The following FOXK1 variants were observed in gnomAD, a reference collection of about 807,000 sequenced individuals.
The protein encoded by FOXK1 is forkhead box K1, also known as forkhead box protein K1.
In FOXK1, 19 loss-of-function variants were observed where a neutral mutation model predicts 51.9. The ratio of observed to expected loss-of-function variants is 0.37; its 90% CI spans 0.26 to 0.54. The LOEUF (loss-of-function observed/expected upper bound fraction) is 0.54, where lower values mean the gene tolerates loss of function less well. Among genes scored for constraint, FOXK1 ranks in the 20% least tolerant of loss-of-function variants. The probability of loss-of-function intolerance (pLI) is 0.87; values close to 1 mark genes in which losing one functional copy is unlikely to be tolerated. For missense variants in FOXK1, 870 were observed against 1,032.7 expected (o/e 0.84, Z 2.16); for synonymous variants, 537 against 482.6 (o/e 1.11, Z -1.48).
At chr7:4,757,253 T>C (rs1780865071) in intron 5 of FOXK1, 66 bp downstream of exon 5, 1 of 1,415,374 alleles carries the variant, frequency 7.1e-7, no homozygotes, top group Non-Finnish European at 9.6e-7. Context: ...AGTTTAGAGA[T>C]ACGTGGCGCA....
Position 4,756,218 on chromosome 7 carries a change from G to A in FOXK1, c.1051-776G>A, listed in dbSNP as rs536618781. Among the ~76,000 whole-genome samples, 16 of 152,246 alleles carry A rather than the reference G, an allele frequency of 1.1e-4. 1 individual carries two copies. The Middle Eastern group carries it at 0.01, about 97-fold the overall frequency. On this transcript the variant is annotated intron_variant, in intron 4 of 8. Transcript: ENST00000328914. The surrounding 1 kb of genome is among the most constrained non-coding windows in gnomAD (Gnocchi z 4.1). ...CAACCTTCGCCTCCCAGGTTCAAGC[G>A]ATTCTTCTGCTTCAGCCTCCCAAGT...
At chr7:4,760,952 T>A (rs1780923207) in intron 7 of FOXK1, 112 bp from the exon 8 acceptor site, 10 of 957,884 alleles carry the variant, frequency 1.0e-5, no homozygotes, top group African/African-American at 1.6e-5. Context: ...AAACCTATTT[T>A]TTCCCAGTGC....
At position 4,682,350 on chromosome 7, in the gene FOXK1, C is replaced by G. The variant is rs937222554; in HGVS notation, c.42C>G (p.Leu14=). 2 of 993,836 alleles carry G rather than the reference C, an allele frequency of 2.0e-6. No homozygotes were observed. Among genetic ancestry groups the G allele is most frequent in the African/African-American group, 1.8e-5 (1 of 56,798 alleles). 61.6% of individuals were successfully genotyped at this position (993,836 alleles called of 1,614,324 possible). A position where few individuals can be genotyped will look rare whatever the true frequency, so the allele number is the denominator to read the frequency against. The change falls in exon 1 of 9, where the codon CTC becomes CTG. Residue 14 remains leucine, a synonymous_variant. Transcript: ENST00000328914. This position sits in a 1 kb window ranked among gnomAD's most constrained non-coding sequence, Gnocchi z 7.6. ...VGEDSGARAL[L]ALRSAPCSPV... is the part of the protein sequence containing the mutation. ...AGGACAGCGGCGCCCGCGCCCTGCT[C>G]GCGCTGCGCTCGGCGCCCTGCAGCC...
Position 4,768,159 on chromosome 7 carries a change from GT to G in FOXK1, c.*5696del, listed in dbSNP as rs1261769425. The stretch of plus-strand genomic sequence containing the variant: ...TTTTTTTTTTTTTTTTTGAGACGGA[GT>G]CTCGCTCTGTCGCCCAGGCTGGAGT... On this transcript the variant is annotated 3_prime_UTR_variant, in exon 9 of 9. Transcript: ENST00000328914. 10 of 107,726 alleles carry G rather than the reference GT, an allele frequency of 9.3e-5. No homozygotes were observed. Among genetic ancestry groups the G allele is most frequent in the Non-Finnish European group, 1.5e-4 (9 of 60,504 alleles). 6.7% of individuals were successfully genotyped at this position (107,726 alleles called of 1,614,324 possible).
At position 4,730,179 on chromosome 7, in the gene FOXK1, A is replaced by G. The variant is rs1429946578; in HGVS notation, c.561-10659A>G. On this transcript the variant is annotated intron_variant, in intron 1 of 8. Coordinates refer to ENST00000328914, the MANE Select transcript of FOXK1 (RefSeq NM_001037165.2). The surrounding 1 kb of genome is among the most constrained non-coding windows in gnomAD (Gnocchi z 4.7). Reference sequence around the variant, plus strand: ...AGATGCATTCTCCCTATTTAAACAAATTAGGCCCTATGAACGCATAAGAAC... The same window carrying G: ...AGATGCATTCTCCCTATTTAAACAAGTTAGGCCCTATGAACGCATAAGAAC... Among the ~76,000 whole-genome samples the G allele has an allele frequency of 6.6e-6, 1 of 152,156 alleles. No individual in the cohort carries two copies. The highest frequency in any genetic ancestry group is 2.4e-5 in the African/African-American group (1 of 41,436).
intron 2 of FOXK1, among the ~76,000 whole-genome samples, chr7:4,746,734 G>A (rs1222772497): frequency 2.0e-5 from 3 of 152,164 alleles, no homozygotes; most frequent in Non-Finnish European, 4.4e-5. Context: ...GCAGCCTTCC[G>A]TGTGTTTTCA....
At position 4,759,802 on chromosome 7, in the gene FOXK1, G is replaced by A. The variant is rs141128339; in HGVS notation, c.1696+207G>A. On this transcript the variant is annotated intron_variant, in intron 7 of 8. Coordinates refer to ENST00000328914, the MANE Select transcript of FOXK1 (RefSeq NM_001037165.2). ...TCCCAGTGCTTTGGGAGGCCAAAGC[G>A]GGTGGATTACTTGAGGTCCGGAGTT... The A allele has an allele frequency of 5.2e-3, 3,347 of 645,518 alleles. 17 individuals carry two copies. Among genetic ancestry groups the A allele is most frequent in the Middle Eastern group, 0.02 (47 of 2,370 alleles). The allele number at this position is 645,518 out of a possible 1,614,324, so 40.0% of individuals were successfully genotyped here.
rs1422930960 is a variant in FOXK1 at position 4,682,602 on chromosome 7, A to T, written c.294A>T (p.Val98=). 1.4e-6 allele frequency: 2 copies of T among 1,465,158 alleles called. No homozygotes were observed. The highest frequency in any genetic ancestry group is 4.4e-5 in the Admixed American group (2 of 44,962). 90.8% of individuals were successfully genotyped at this position (1,465,158 alleles called of 1,614,324 possible). A position where few individuals can be genotyped will look rare whatever the true frequency, so the allele number is the denominator to read the frequency against. ...PALVAAAAAS[V]RQSPGPALAR... is the part of the protein sequence containing the mutation. ...TGGTGGCCGCGGCGGCCGCCTCGGTACGGCAGAGCCCGGGGCCGGCGCTGG... is the reference window on the plus strand; with the variant it reads ...TGGTGGCCGCGGCGGCCGCCTCGGTTCGGCAGAGCCCGGGGCCGGCGCTGG... Residue 98 remains valine (V), a synonymous_variant, in exon 1 of 9, where the codon GTA becomes GTT. Transcript: ENST00000328914. This position sits in a 1 kb window ranked among gnomAD's most constrained non-coding sequence, Gnocchi z 7.6.
rs753798418 is a variant in FOXK1 at position 4,761,014 on chromosome 7, C to T, written c.1697-50C>T. Reference sequence around the variant, plus strand: ...CCTGCTGCCCAGGCGTCGAGGAAATCGATTGTCTCGTTGGCCGAGTGTGGT... The same window carrying T: ...CCTGCTGCCCAGGCGTCGAGGAAATTGATTGTCTCGTTGGCCGAGTGTGGT... On this transcript the variant is annotated intron_variant, in intron 7 of 8. Transcript: ENST00000328914. This position sits in a 1 kb window ranked among gnomAD's most constrained non-coding sequence, Gnocchi z 6.2. 8 of 1,557,166 alleles carry T rather than the reference C, an allele frequency of 5.1e-6. No homozygotes were observed. The highest frequency in any genetic ancestry group is 1.9e-4 in the Middle Eastern group (1 of 5,306).
At chr7:4,746,351 T>C (rs1346927544) in intron 2 of FOXK1, among the ~76,000 whole-genome samples, 2 of 152,170 alleles carry the variant, frequency 1.3e-5, no homozygotes, top group Admixed American at 1.3e-4. Context: ...AGAAATACTC[T>C]CCTTTTTCTG....
At chr7:4,694,175 C>T (rs1021823596) in intron 1 of FOXK1, among the ~76,000 whole-genome samples, 2 of 152,226 alleles carry the variant, frequency 1.3e-5, no homozygotes, top group Non-Finnish European at 1.5e-5. Flanking sequence ...GCCTGAGCCA[C>T]GCGCCCAGCC....
In FOXK1 at chr7:4,758,025, T is replaced by C. The variant is rs1267953375; in HGVS notation, c.1244+838T>C. ...AGATTTTAGTTCTTAGAAGTGGAAA[T>C]GTGTGTAGCAATAGGAACGGTTCCT... On this transcript the variant is annotated intron_variant, in intron 5 of 8. Transcript: ENST00000328914. The surrounding 1 kb of genome is among the most constrained non-coding windows in gnomAD (Gnocchi z 4.4). The C allele has an allele frequency of 1.3e-5, 2 of 152,210 alleles. No homozygotes were observed. The highest frequency in any genetic ancestry group is 2.1e-4 in the South Asian group (1 of 4,834). 9.4% of individuals were successfully genotyped at this position (152,210 alleles called of 1,614,324 possible).
rs1051423732 is a variant in FOXK1 at position 4,683,971 on chromosome 7, C to T, written c.560+1103C>T. ...CGGGACCCCAAGATCAAATTAGATT[C>T]CCCCGGGCCCGAGGTCACCAGGGCA... On this transcript the variant is annotated intron_variant, in intron 1 of 8. Transcript: ENST00000328914. The surrounding 1 kb of genome is among the most constrained non-coding windows in gnomAD (Gnocchi z 4.5). 6.6e-6 allele frequency among the ~76,000 whole-genome samples: 1 copy of T among 152,144 alleles called. No homozygotes were observed. Among genetic ancestry groups the T allele is most frequent in the African/African-American group, 2.4e-5 (1 of 41,424 alleles).
chr7:4,712,790 T>C (rs1780190954), intron 1 of FOXK1, among the ~76,000 whole-genome samples: 1 of 152,228 alleles, frequency 6.6e-6, no homozygotes, highest in Admixed American at 6.5e-5. Flanking sequence ...TATGATTAAA[T>C]ACTGCTCAAA....
intron 1 of FOXK1, among the ~76,000 whole-genome samples, chr7:4,691,667 A>G (rs889563102): frequency 5.3e-5 from 8 of 152,086 alleles, no homozygotes; most frequent in African/African-American, 1.9e-4. Context: ...ATTAAGAAGA[A>G]TCTCGTCTGC....
intron 1 of FOXK1, among the ~76,000 whole-genome samples, chr7:4,695,525 C>T (rs6954209): frequency 0.17 from 25,576 of 152,126 alleles, 3,496 homozygotes; most frequent in African/African-American, 0.38. Context: ...TGGCTCAAGG[C>T]GGGGCGCGGT....
Position 4,748,207 on chromosome 7 carries a change from C to A in FOXK1, c.747-6252C>A, listed in dbSNP as rs973879196. Among the ~76,000 whole-genome samples the A allele has an allele frequency of 2.0e-5, 3 of 152,200 alleles. No homozygotes were observed. Among genetic ancestry groups the A allele is most frequent in the Non-Finnish European group, 4.4e-5 (3 of 68,044 alleles). On this transcript the variant is annotated intron_variant, in intron 2 of 8. Coordinates refer to ENST00000328914, the MANE Select transcript of FOXK1 (RefSeq NM_001037165.2). The surrounding 1 kb of genome is among the most constrained non-coding windows in gnomAD (Gnocchi z 4.9). The stretch of plus-strand genomic sequence containing the variant: ...AAAGTGAAAATTCCCCCACACAACG[C>A]TCCCCAGAGCTGAGCCCTTCTCTCT...
Position 4,761,194 on chromosome 7 carries a change from C to T in FOXK1, c.1827C>T (p.Pro609=), listed in dbSNP as rs1347819322. Residue 609 remains proline (P), a synonymous_variant, in exon 8 of 9, where the codon CCC becomes CCT. Transcript: ENST00000328914. This position sits in a 1 kb window ranked among gnomAD's most constrained non-coding sequence, Gnocchi z 6.2. The stretch of plus-strand genomic sequence containing the variant: ...TCACCATCCTGCAGCCCGCCACACC[C>T]GTGACCCTCGGGCAGCACCACCTTC... ...HTVTILQPAT[P]VTLGQHHLPV... 1.1e-5 allele frequency: 17 copies of T among 1,612,952 alleles called. No individual in the cohort carries two copies. The highest frequency in any genetic ancestry group is 1.6e-4 in the Middle Eastern group (1 of 6,084).
Position 4,765,728 on chromosome 7 carries a change from C to T in FOXK1, c.*3264C>T, listed in dbSNP as rs1472789917. 6.6e-6 allele frequency: 1 copy of T among 152,260 alleles called. No homozygotes were observed. Among genetic ancestry groups the T allele is most frequent in the African/African-American group, 2.4e-5 (1 of 41,458 alleles). The allele number at this position is 152,260 out of a possible 1,614,324, so 9.4% of individuals were successfully genotyped here. On this transcript the variant is annotated 3_prime_UTR_variant, in exon 9 of 9. Coordinates refer to ENST00000328914, the MANE Select transcript of FOXK1 (RefSeq NM_001037165.2). Reference sequence around the variant, plus strand: ...CCTCAGAGCCCCTGGGCCCAGTAACCCGCTTCTGTCTCCTGACTCCTGCTG... The same window carrying T: ...CCTCAGAGCCCCTGGGCCCAGTAACTCGCTTCTGTCTCCTGACTCCTGCTG...
Sources: gnomAD v4.1 joint callset for allele counts (sites outside exome capture counted in the v4.1 genomes callset) on GRCh38, gnomAD v4.1.1 for gene constraint, Gnocchi (gnomAD v3.1) non-coding constraint, MANE v1.5 for transcripts, NCBI Gene and HGNC (gene_info 2026-07-23, HGNC 2026-07-21) for gene names.